DGKB: variants seen among roughly 807,000 people sequenced by gnomAD.
DGKB encodes 90 kDa diacylglycerol kinase.
DGKB carries 67 observed loss-of-function variants against 114.3 expected under a neutral mutation model. The ratio of observed to expected loss-of-function variants is 0.59; its 90% CI spans 0.48 to 0.72. DGKB has a LOEUF of 0.72. Ranked by LOEUF, DGKB falls within the 30% of genes least tolerant of loss-of-function variation. DGKB has a pLI of 0.00. For missense variants in DGKB, 907 were observed against 975.2 expected (o/e 0.93, Z 0.93); for synonymous variants, 398 against 323.1 (o/e 1.23, Z -2.49).
chr7:14,958,175 G>T (rs879040289), intron 1 of DGKB, among the ~76,000 whole-genome samples: 4 of 151,886 alleles, frequency 2.6e-5, no homozygotes, highest in Admixed American at 2.6e-4. Flanking sequence ...CCATATTACT[G>T]TATAGAGGAA....
rs531618944 is a variant in DGKB at position 14,720,421 on chromosome 7, C to T, written c.323-1736G>A. ...CTGGGTTCAAGTGATTCTCCTGCCT[C>T]AGCCTCCTGAGTAGCTGGGATTACT... On this transcript the variant is annotated intron_variant, in intron 5 of 25. Transcript: ENST00000402815. Among the ~76,000 whole-genome samples, 3 of 152,060 alleles carry T rather than the reference C, an allele frequency of 2.0e-5. No homozygotes were observed. In the South Asian group the frequency reaches 6.2e-4, roughly 32 times the overall value.
chr7:14,931,569 A>AC (rs1301815986), intron 1 of DGKB, among the ~76,000 whole-genome samples: 1 of 152,070 alleles, frequency 6.6e-6, no homozygotes, highest in African/African-American at 2.4e-5. Context: ...GTGTGAAGTG[A>AC]CCATTGCTGT....
intron 23 of DGKB, among the ~76,000 whole-genome samples, chr7:14,188,568 G>A (rs2128264986): frequency 7.6e-6 from 1 of 132,344 alleles, no homozygotes; most frequent in South Asian, 2.3e-4. Context: ...GCTGAGGCAG[G>A]AGAATGGCGT....
In DGKB at chr7:14,419,701, G is replaced by C. The variant is rs949937360; in HGVS notation, c.1835+58460C>G. 3.3e-5 allele frequency among the ~76,000 whole-genome samples: 5 copies of C among 151,826 alleles called. No individual in the cohort carries two copies. The East Asian group carries it at 9.7e-4, about 29-fold the overall frequency. ...AAAGAAATCATGAGCAGGAAACAGT[G>C]AACAATCTTACGAGACATAGAGACA... On this transcript the variant is annotated intron_variant, in intron 21 of 25. Coordinates refer to ENST00000402815, the MANE Select transcript of DGKB (RefSeq NM_001350709.2).
At chr7:14,684,575 T>C (rs932585031) in intron 10 of DGKB, among the ~76,000 whole-genome samples, 2 of 152,188 alleles carry the variant, frequency 1.3e-5, no homozygotes, top group East Asian at 3.8e-4. Context: ...TTATATACAC[T>C]ATAAGAACAT....
At chr7:14,930,983 T>C (rs1784987896) in intron 1 of DGKB, among the ~76,000 whole-genome samples, 1 of 152,194 alleles carries the variant, frequency 6.6e-6, no homozygotes, top group Non-Finnish European at 1.5e-5. Context: ...CTGTCCTTAA[T>C]TCTGTTTATG....
At chr7:14,475,400 A>G (rs1782018940) in intron 21 of DGKB, among the ~76,000 whole-genome samples, 1 of 152,268 alleles carries the variant, frequency 6.6e-6, no homozygotes, top group Non-Finnish European at 1.5e-5. Flanking sequence ...AATATATCAC[A>G]TTATGGTTTA....
intron 21 of DGKB, among the ~76,000 whole-genome samples, chr7:14,447,332 T>C (rs10253325): frequency 0.18 from 26,907 of 152,026 alleles, 3,136 homozygotes; most frequent in East Asian, 0.32. Context: ...TTCTGGTGTC[T>C]GTGTGCCTTA....
intron 23 of DGKB, among the ~76,000 whole-genome samples, chr7:14,306,539 A>C (rs767211505): frequency 2.0e-5 from 3 of 150,814 alleles, no homozygotes; most frequent in Non-Finnish European, 4.4e-5. Flanking sequence ...TCACAAAGTC[A>C]CTGAAGTTTT....
At chr7:14,938,744 G>A (rs36879) in intron 1 of DGKB, among the ~76,000 whole-genome samples, 22,686 of 152,050 alleles carry the variant, frequency 0.15, 1,856 homozygotes, top group Non-Finnish European at 0.19. Context: ...TAGGTTACTA[G>A]TGCTGTACTT....
At position 14,265,407 on chromosome 7, in the gene DGKB, G is replaced by GTACTGTGC. The variant is rs1797364889; in HGVS notation, c.2122+73100_2122+73107dup. ...AGCCATGCTTTTCTGCTACTCTCCC[G>GTACTGTGC]TACTGTGCTAATTGCTCCAGCTAGC... On this transcript the variant is annotated intron_variant, in intron 23 of 25. Transcript: ENST00000402815. Among the ~76,000 whole-genome samples, 3 of 127,834 alleles carry GTACTGTGC rather than the reference G, an allele frequency of 2.3e-5. No homozygotes were observed. The Admixed American group carries it at 2.9e-4, about 12-fold the overall frequency. 83.9% of individuals were successfully genotyped at this position (127,834 alleles called of 152,430 possible).
intron 2 of DGKB, among the ~76,000 whole-genome samples, chr7:14,809,067 T>C (rs919591639): frequency 3.3e-5 from 5 of 152,148 alleles, no homozygotes; most frequent in Non-Finnish European, 7.4e-5. Flanking sequence ...AAGTGATAAC[T>C]TTAATGTAGG....
chr7:14,494,536 G>T (rs1785032146), intron 20 of DGKB, among the ~76,000 whole-genome samples: 1 of 151,782 alleles, frequency 6.6e-6, no homozygotes. Context: ...CAGTATTTAT[G>T]GGTTAACCAC....
At chr7:14,816,850 A>T (rs998741663) in intron 2 of DGKB, among the ~76,000 whole-genome samples, 1 of 152,172 alleles carries the variant, frequency 6.6e-6, no homozygotes, top group African/African-American at 2.4e-5. Context: ...CCAGGTACCC[A>T]ACATATTTAT....
intron 21 of DGKB, among the ~76,000 whole-genome samples, chr7:14,468,738 C>G (rs1157119455): frequency 6.7e-6 from 1 of 149,356 alleles, no homozygotes; most frequent in African/African-American, 2.6e-5. Flanking sequence ...TAATACTCTT[C>G]CCTATAAGAA....
rs752573456 is a variant in DGKB, at chr7:14,813,441, G to A, written c.70+27753C>T. 7.2e-5 allele frequency among the ~76,000 whole-genome samples: 11 copies of A among 152,122 alleles called. 1 individual carries two copies. The highest frequency in any genetic ancestry group is 1.2e-4 in the Non-Finnish European group (8 of 68,016). On this transcript the variant is annotated intron_variant, in intron 2 of 25. Coordinates refer to ENST00000402815, the MANE Select transcript of DGKB (RefSeq NM_001350709.2). ...ATCTGCAGCACAACCTCAGGCTAGC[G>A]GAGTGTGCCTGAGAGCCACCAGAAT... is the stretch of plus-strand genomic sequence containing the variant.
intron 13 of DGKB, among the ~76,000 whole-genome samples, chr7:14,632,959 C>A (rs978673723): frequency 3.3e-5 from 5 of 151,850 alleles, no homozygotes; most frequent in African/African-American, 1.2e-4. Flanking sequence ...ATAGGTAAAA[C>A]AGGTCCGATG....
chr7:14,422,266 G>A (rs1235070887), intron 21 of DGKB, among the ~76,000 whole-genome samples: 1 of 152,016 alleles, frequency 6.6e-6, no homozygotes. Context: ...AAAAAGCCAA[G>A]GAAGGGGTAA....
intron 1 of DGKB, among the ~76,000 whole-genome samples, chr7:14,853,459 A>T (rs1267890306): frequency 4.0e-5 from 6 of 151,806 alleles, no homozygotes; most frequent in Non-Finnish European, 7.4e-5. Context: ...TCTGCTTGAT[A>T]GAATATTAAG....
Sources: allele counts gnomAD v4.1 joint callset (sites outside exome capture counted in the v4.1 genomes callset), GRCh38; gene constraint gnomAD v4.1.1; transcripts MANE v1.5; gene names NCBI Gene and HGNC (gene_info 2026-07-23, HGNC 2026-07-21).